The following NR2F1-AS1 variants were observed in gnomAD, a reference collection of about 807,000 sequenced individuals.
The protein encoded by NR2F1-AS1 is NR2F1 regulatory antisense RNA 1.
At chr5:93,528,251 A>T (rs187508973) in intron 4 of NR2F1-AS1, among the ~76,000 whole-genome samples, 78 of 152,340 alleles carry the variant, frequency 5.1e-4, no homozygotes, top group African/African-American at 1.9e-3. Context: ...TATGAAAAAA[A>T]GCTCATCATC....
At chr5:93,436,957 G>A (rs746536346) in intron 4 of NR2F1-AS1, among the ~76,000 whole-genome samples, 3 of 149,532 alleles carry the variant, frequency 2.0e-5, no homozygotes, top group Non-Finnish European at 4.4e-5. Context: ...GTAATACCTA[G>A]CTGATTTTAA....
intron 4 of NR2F1-AS1, among the ~76,000 whole-genome samples, chr5:93,529,590 G>A (rs1751692388): frequency 6.6e-6 from 1 of 151,980 alleles, no homozygotes; most frequent in South Asian, 2.1e-4. Flanking sequence ...TTAATCATAT[G>A]GTGCCTCATT....
At chr5:93,485,877 T>G (rs989520068) in intron 4 of NR2F1-AS1, among the ~76,000 whole-genome samples, 16 of 143,366 alleles carry the variant, frequency 1.1e-4, no homozygotes, top group Admixed American at 7.2e-5. Flanking sequence ...TGTCCAACAA[T>G]GATAGACTGG....
chr5:93,561,737 C>T (rs1752492373), intron 2 of NR2F1-AS1, among the ~76,000 whole-genome samples: 1 of 151,898 alleles, frequency 6.6e-6, no homozygotes, highest in African/African-American at 2.4e-5. Context: ...GACACCACTG[C>T]ACTCCAGCTC....
intron 4 of NR2F1-AS1, among the ~76,000 whole-genome samples, chr5:93,532,160 C>T (rs1010624120): frequency 6.6e-6 from 1 of 152,022 alleles, no homozygotes; most frequent in African/African-American, 2.4e-5. Flanking sequence ...CTACAATTGT[C>T]CCAAGTTTTT....
intron 4 of NR2F1-AS1, among the ~76,000 whole-genome samples, chr5:93,544,530 C>T (rs1752030822): frequency 6.6e-6 from 1 of 152,086 alleles, no homozygotes; most frequent in African/African-American, 2.4e-5. Context: ...GAAGAATTTC[C>T]AATAATCTTA....
chr5:93,537,332 A>G (rs1245138898), intron 4 of NR2F1-AS1, among the ~76,000 whole-genome samples: 1 of 152,188 alleles, frequency 6.6e-6, no homozygotes, highest in African/African-American at 2.4e-5. Flanking sequence ...ATGCTTTTAC[A>G]CAGCAAAGGA....
chr5:93,556,681 G>A (rs1476264420), intron 2 of NR2F1-AS1, among the ~76,000 whole-genome samples: 1 of 152,112 alleles, frequency 6.6e-6, no homozygotes, highest in Non-Finnish European at 1.5e-5. Context: ...TGAAGGCAGA[G>A]ATCACAGTGA....
At chr5:93,566,760 A>G (rs1464717357) in intron 1 of NR2F1-AS1, among the ~76,000 whole-genome samples, 1 of 152,042 alleles carries the variant, frequency 6.6e-6, no homozygotes, top group Admixed American at 6.5e-5. Flanking sequence ...TTGTAAGGAA[A>G]TAACCATAGG....
At chr5:93,448,554 C>T (rs1749766178) in intron 4 of NR2F1-AS1, among the ~76,000 whole-genome samples, 1 of 152,216 alleles carries the variant, frequency 6.6e-6, no homozygotes, top group East Asian at 1.9e-4. Flanking sequence ...CTCTCTATAA[C>T]TACCTGATAG....
chr5:93,449,055 A>G (rs981255001), intron 4 of NR2F1-AS1, among the ~76,000 whole-genome samples: 1 of 152,136 alleles, frequency 6.6e-6, no homozygotes, highest in African/African-American at 2.4e-5. Context: ...TGCAGCATAG[A>G]TGGATTAAAA....
intron 4 of NR2F1-AS1, among the ~76,000 whole-genome samples, chr5:93,493,667 A>G (rs940390646): frequency 3.3e-5 from 5 of 152,146 alleles, no homozygotes; most frequent in African/African-American, 9.7e-5. Context: ...ACAACAGAAT[A>G]AAACTGAGAG....
chr5:93,441,195 G>T (rs1303267745), intron 4 of NR2F1-AS1, among the ~76,000 whole-genome samples: 1 of 152,196 alleles, frequency 6.6e-6, no homozygotes, highest in African/African-American at 2.4e-5. Flanking sequence ...AGATGGTGAA[G>T]ATAGGATGAC....
chr5:93,469,301 A>G (rs1330573167), intron 4 of NR2F1-AS1, among the ~76,000 whole-genome samples: 1 of 152,120 alleles, frequency 6.6e-6, no homozygotes, highest in African/African-American at 2.4e-5. Context: ...ACTGTACTTA[A>G]TACTGTAAGA....
rs550248045 is a variant in NR2F1-AS1, at chr5:93,568,048, T to C, written n.314-4585A>G. ...TAACTGACTAATTCCTGGTACACCA[T>C]ATTTGAGGTACTTCTTCACACATAA... On this transcript the variant is annotated intron_variant and non_coding_transcript_variant, in intron 1 of 5. Transcript: ENST00000660523. 4.5e-4 allele frequency among the ~76,000 whole-genome samples: 68 copies of C among 152,336 alleles called. 1 individual carries two copies. Among genetic ancestry groups the C allele is most frequent in the Middle Eastern group, 3.4e-3 (1 of 294 alleles).
At chr5:93,532,798 T>A (rs1751761694) in intron 4 of NR2F1-AS1, among the ~76,000 whole-genome samples, 1 of 152,260 alleles carries the variant, frequency 6.6e-6, no homozygotes, top group South Asian at 2.1e-4. Context: ...TATGCAGCCA[T>A]CATCAATCAT....
intron 4 of NR2F1-AS1, among the ~76,000 whole-genome samples, chr5:93,496,381 T>C (rs1042169319): frequency 6.6e-6 from 1 of 152,128 alleles, no homozygotes; most frequent in Non-Finnish European, 1.5e-5. Flanking sequence ...AGAAGTCTAT[T>C]CAAAAAATCA....
In NR2F1-AS1 at chr5:93,469,871, T is replaced by C. The variant is rs143612615; in HGVS notation, n.639-74329A>G. ...GATATTTGACTCTCCCTAACCCTCA[T>C]TAAAGCTATGCCTTCAGTGACATAT... is the stretch of plus-strand genomic sequence containing the variant. On this transcript the variant is annotated intron_variant and non_coding_transcript_variant, in intron 4 of 5. Coordinates refer to ENST00000660523, the Ensembl canonical transcript of NR2F1-AS1. Among the ~76,000 whole-genome samples, 98 of 152,150 alleles carry C rather than the reference T, an allele frequency of 6.4e-4. 1 individual carries two copies. Among genetic ancestry groups the C allele is most frequent in the African/African-American group, 2.3e-3 (94 of 41,558 alleles).
intron 1 of NR2F1-AS1, among the ~76,000 whole-genome samples, chr5:93,573,234 G>T: frequency 6.6e-6 from 1 of 152,172 alleles, no homozygotes; most frequent in East Asian, 1.9e-4. Flanking sequence ...GTGCTCCCCC[G>T]ACACACCCCA....
Sources: gnomAD v4.1 joint callset for allele counts (sites outside exome capture counted in the v4.1 genomes callset) on GRCh38, gnomAD v4.1.1 for gene constraint, MANE v1.5 for transcripts, NCBI Gene and HGNC (gene_info 2026-07-23, HGNC 2026-07-21) for gene names.